Variants in FIG4 observed in about 807,000 individuals in gnomAD.
FIG4 encodes the protein FIG4 phosphoinositide 5-phosphatase, also known as polyphosphoinositide phosphatase.
FIG4 carries 112 observed loss-of-function variants against 118.6 expected under a neutral mutation model. That is an observed-to-expected ratio of 0.94 (90% CI 0.81 to 1.11). The LOEUF is 1.11. Among genes scored for constraint, FIG4 ranks in the 50% least tolerant of loss-of-function variants. FIG4 has a pLI of 0.00. For missense variants in FIG4, 969 were observed against 1,111.7 expected, an observed-to-expected ratio of 0.87 and a Z score of 1.83; for synonymous variants, 369 against 381.2, an observed-to-expected ratio of 0.97 and a Z score of 0.37.
intron 3 of FIG4, among the ~76,000 whole-genome samples, chr6:109,720,451 G>T (rs951097863): frequency 6.6e-6 from 1 of 152,144 alleles, no homozygotes; most frequent in African/African-American, 2.4e-5. Flanking sequence ...GTTTTGGATT[G>T]TTGTCATGGT....
chr6:109,809,097 T>A (rs979259095), intron 22 of FIG4, among the ~76,000 whole-genome samples: 4 of 152,234 alleles, frequency 2.6e-5, no homozygotes, highest in African/African-American at 9.6e-5. Flanking sequence ...AAGAAACTTG[T>A]CAAATTTTGT....
At chr6:109,804,715 G>A (rs1323847104) in intron 22 of FIG4, among the ~76,000 whole-genome samples, 1 of 151,988 alleles carries the variant, frequency 6.6e-6, no homozygotes, top group Non-Finnish European at 1.5e-5. Context: ...GAAATCAATT[G>A]CATTCTATTT....
At chr6:109,734,110 G>A (rs12192279) in intron 5 of FIG4, among the ~76,000 whole-genome samples, 14,377 of 151,688 alleles carry the variant, frequency 0.095, 968 homozygotes, top group East Asian at 0.25. Flanking sequence ...TGATACAATT[G>A]AACTTCACAG....
intron 1 of FIG4, among the ~76,000 whole-genome samples, chr6:109,704,644 C>G (rs1002209369): frequency 2.9e-5 from 4 of 139,298 alleles, no homozygotes; most frequent in African/African-American, 1.1e-4. Context: ...CCACTGCACT[C>G]CAGCCTGGGT....
intron 1 of FIG4, among the ~76,000 whole-genome samples, chr6:109,712,400 G>A (rs1775292467): frequency 6.6e-6 from 1 of 152,138 alleles, no homozygotes; most frequent in Non-Finnish European, 1.5e-5. Context: ...CGTAGAGTCA[G>A]TCTCTTTACA....
At chr6:109,757,072 A>G (rs148456635) in intron 10 of FIG4, among the ~76,000 whole-genome samples, 1,920 of 152,224 alleles carry the variant, frequency 0.013, 44 homozygotes, top group African/African-American at 0.044. Context: ...CTATTCGGCC[A>G]TCTTGGCTCC....
chr6:109,771,076 A>T (rs1360186340), intron 15 of FIG4, among the ~76,000 whole-genome samples: 11 of 152,242 alleles, frequency 7.2e-5, no homozygotes, highest in African/African-American at 2.7e-4. Flanking sequence ...TTATCCTTCA[A>T]ACAGCAGATT....
chr6:109,721,109 G>A (rs778630574), intron 3 of FIG4, among the ~76,000 whole-genome samples: 4 of 152,076 alleles, frequency 2.6e-5, no homozygotes, highest in African/African-American at 4.8e-5. Flanking sequence ...GAAGGGGAGT[G>A]GCAAAATAAG....
At chr6:109,815,261 C>T (rs1464207575) in intron 22 of FIG4, among the ~76,000 whole-genome samples, 1 of 152,074 alleles carries the variant, frequency 6.6e-6, no homozygotes, top group Non-Finnish European at 1.5e-5. Flanking sequence ...TCTGACTCCA[C>T]TCATGGAGAC....
intron 16 of FIG4, among the ~76,000 whole-genome samples, chr6:109,784,206 A>G (rs1263540377): frequency 1.3e-5 from 2 of 152,148 alleles, no homozygotes; most frequent in African/African-American, 2.4e-5. Context: ...TTTGACATAT[A>G]TCCTTTTCCT....
At chr6:109,753,820 C>A (rs1272254867) in intron 10 of FIG4, among the ~76,000 whole-genome samples, 1 of 152,188 alleles carries the variant, frequency 6.6e-6, no homozygotes. Flanking sequence ...AGTTGCTTAT[C>A]AGCTTAAGGA....
intron 10 of FIG4, among the ~76,000 whole-genome samples, chr6:109,744,986 G>A (rs897197494): frequency 2.0e-5 from 3 of 151,978 alleles, no homozygotes; most frequent in African/African-American, 7.3e-5. Flanking sequence ...CTTTTTTACG[G>A]CTGCATAGTA....
chr6:109,744,314 G>A (rs1318482501), intron 10 of FIG4, among the ~76,000 whole-genome samples: 1 of 151,554 alleles, frequency 6.6e-6, no homozygotes, highest in African/African-American at 2.4e-5. Flanking sequence ...TTTCTTGGCA[G>A]AGTACACTGA....
At chr6:109,813,700 G>A (rs1225693039) in intron 22 of FIG4, among the ~76,000 whole-genome samples, 3 of 152,142 alleles carry the variant, frequency 2.0e-5, no homozygotes, top group Non-Finnish European at 2.9e-5. Context: ...TACCGGGATT[G>A]GTCTTTGTGA....
chr6:109,751,188 T>C (rs936621481), intron 10 of FIG4, among the ~76,000 whole-genome samples: 7 of 152,150 alleles, frequency 4.6e-5, no homozygotes, highest in African/African-American at 1.7e-4. Flanking sequence ...AAATTAATTG[T>C]TTTTCTTTGT....
At chr6:109,762,029 T>C (rs1173063648) in intron 11 of FIG4, 62 bp from the exon 12 acceptor site, 21 of 945,442 alleles carry the variant, frequency 2.2e-5, no homozygotes, top group Admixed American at 3.4e-5. Context: ...GCTTTAGATA[T>C]AAGGATAAAT....
chr6:109,695,597 C>CAG (rs984151197), intron 1 of FIG4, among the ~76,000 whole-genome samples: 2 of 150,850 alleles, frequency 1.3e-5, no homozygotes, highest in African/African-American at 4.9e-5. Flanking sequence ...CACACACACA[C>CAG]ACAGACACAC....
intron 8 of FIG4, 116 bp from the exon 9 acceptor site, chr6:109,742,994 C>G: frequency 1.0e-6 from 1 of 952,430 alleles, no homozygotes; most frequent in Non-Finnish European, 1.6e-6. Context: ...TCAAGACTTT[C>G]AAAGAATAGG....
intron 22 of FIG4, among the ~76,000 whole-genome samples, chr6:109,812,806 G>T (rs998746888): frequency 6.6e-6 from 1 of 152,126 alleles, no homozygotes; most frequent in African/African-American, 2.4e-5. Context: ...ATCTGGAGGG[G>T]AATATGAACT....
Sources: allele counts gnomAD v4.1 joint callset (sites outside exome capture counted in the v4.1 genomes callset), GRCh38; gene constraint gnomAD v4.1.1; transcripts MANE v1.5; gene names NCBI Gene and HGNC (gene_info 2026-07-23, HGNC 2026-07-21).